ZNF3: variants seen among roughly 807,000 people sequenced by gnomAD.
ZNF3 encodes the protein C2-H2 type zinc finger protein.
In ZNF3, 16 loss-of-function variants were observed where a neutral mutation model predicts 36.9. The observed-to-expected ratio is 0.43, with a 90% CI of 0.29 to 0.66. ZNF3 has a LOEUF of 0.66. ZNF3 is among the 30% of genes least tolerant of loss of function. The probability of loss-of-function intolerance (pLI) is 0.13; values close to 1 mark genes in which losing one functional copy is unlikely to be tolerated. For synonymous variants in ZNF3, 201 were observed against 201.9 expected, an observed-to-expected ratio of 1.00 and a Z score of 0.04; for missense variants, 462 against 543.1, an observed-to-expected ratio of 0.85 and a Z score of 1.48.
intron 5 of ZNF3, among the ~76,000 whole-genome samples, chr7:100,073,383 C>CT (rs947546327): frequency 5.3e-5 from 8 of 152,154 alleles, no homozygotes; most frequent in African/African-American, 1.7e-4. Flanking sequence ...AGGTCTCACT[C>CT]TATCGCCCAG....
intron 5 of ZNF3, among the ~76,000 whole-genome samples, chr7:100,074,283 T>C (rs934244935): frequency 6.6e-6 from 1 of 152,186 alleles, no homozygotes; most frequent in Admixed American, 6.5e-5. Context: ...TATTTACTTA[T>C]TTATTTTTTG....
rs546584665 is a variant in ZNF3 at position 100,075,627 on chromosome 7, A to G, written c.59T>C (p.Leu20Pro). ...QEPQALLDSALPSKVPAFSDK... is the reference protein window; with the variant it reads ...QEPQALLDSAPPSKVPAFSDK... ...GGAAAAGGCAGGAACTTTTGAAGGA[A>G]GAGCTGAAGGGCAATAAAAGGGCCC... The change falls in exon 4 of 6, where the codon CTT becomes CCT. Residue 20 changes from leucine to proline, a missense_variant. Physicochemically the swap from Leu to Pro is moderately conservative, Grantham distance 98. Coordinates refer to ENST00000299667, the MANE Select transcript of ZNF3 (RefSeq NM_032924.5). 1 of 1,614,066 alleles carries G rather than the reference A, an allele frequency of 6.2e-7. No homozygotes were observed. Among genetic ancestry groups the G allele is most frequent in the East Asian group, 2.2e-5 (1 of 44,870 alleles).
rs753246111 is a variant in ZNF3 at position 100,071,924 on chromosome 7, A to C, written c.560T>G (p.Leu187Arg). Residue 187 changes from leucine to arginine, a missense_variant, in exon 6 of 6, where the codon CTT (leucine) becomes CGT (arginine). Physicochemically the swap from Leu to Arg is moderately radical, Grantham distance 102. Coordinates refer to ENST00000299667, the MANE Select transcript of ZNF3 (RefSeq NM_032924.5). ...CACGGGGAGTCTCTGATGTGAGATAAGGTTGGAATTCACAGTGAAGCTGTT... is the reference window on the plus strand; with the variant it reads ...CACGGGGAGTCTCTGATGTGAGATACGGTTGGAATTCACAGTGAAGCTGTT... ...FGNSFTVNSN[L>R]ISHQRLPVGD... The C allele has an allele frequency of 6.2e-7, 1 of 1,614,234 alleles. No individual in the cohort carries two copies. Among genetic ancestry groups the C allele is most frequent in the Non-Finnish European group, 8.5e-7 (1 of 1,180,044 alleles).
In ZNF3 at chr7:100,081,339, G is replaced by C. The variant is rs1794969589; in HGVS notation, c.-198+296C>G. 6.6e-6 allele frequency among the ~76,000 whole-genome samples: 1 copy of C among 152,260 alleles called. No individual in the cohort carries two copies. The highest frequency in any genetic ancestry group is 2.4e-5 in the African/African-American group (1 of 41,460). On this transcript the variant is annotated intron_variant, in intron 1 of 5. Coordinates refer to ENST00000299667, the MANE Select transcript of ZNF3 (RefSeq NM_032924.5). This position sits in a 1 kb window ranked among gnomAD's most constrained non-coding sequence, Gnocchi z 4.3. Reference sequence around the variant, plus strand: ...GCTGTCATTAGCTGCTTTCAAGAGAGAGGCGCCCCTACCGCTCTGCTGAAA... The same window carrying C: ...GCTGTCATTAGCTGCTTTCAAGAGACAGGCGCCCCTACCGCTCTGCTGAAA...
downstream of ZNF3, among the ~76,000 whole-genome samples, chr7:100,066,183 T>G (rs1562853980): frequency 6.6e-6 from 1 of 152,044 alleles, no homozygotes; most frequent in Non-Finnish European, 1.5e-5. Flanking sequence ...CTCTTGGGAT[T>G]TTTTGTTTAT....
rs1794979600 is a variant in ZNF3 at position 100,081,423 on chromosome 7, T to C, written c.-198+212A>G. On this transcript the variant is annotated intron_variant, in intron 1 of 5. Transcript: ENST00000299667. The surrounding 1 kb of genome is among the most constrained non-coding windows in gnomAD (Gnocchi z 4.3). ...TCACAAAACCAGAACCGGAGCCCCA[T>C]TACTAACCCCTACGCAGGATCCCGC... is the stretch of plus-strand genomic sequence containing the variant. Among the ~76,000 whole-genome samples the C allele has an allele frequency of 6.6e-6, 1 of 152,156 alleles. No homozygotes were observed. The highest frequency in any genetic ancestry group is 1.5e-5 in the Non-Finnish European group (1 of 68,010).
chr7:100,079,673 A>G lies in ZNF3; in HGVS notation c.-197-17T>C, dbSNP rs1340138928. On this transcript the variant is annotated splice_polypyrimidine_tract_variant and intron_variant, in intron 1 of 5. Coordinates refer to ENST00000299667, the MANE Select transcript of ZNF3 (RefSeq NM_032924.5). ...ATGCCAATGCTGTGTGATTAAGGGGAAAAAAAGGAATTTAAAATATTCATG... is the reference window on the plus strand; with the variant it reads ...ATGCCAATGCTGTGTGATTAAGGGGGAAAAAAGGAATTTAAAATATTCATG... 6.6e-6 allele frequency: 1 copy of G among 152,098 alleles called. No individual in the cohort carries two copies. The highest frequency in any genetic ancestry group is 1.9e-4 in the East Asian group (1 of 5,196). The allele number at this position is 152,098 out of a possible 1,614,324, so 9.4% of individuals were successfully genotyped here.
At position 100,075,146 on chromosome 7, in the gene ZNF3, A is replaced by G; in HGVS notation, c.260T>C (p.Val87Ala). ...GCATAACTCCTTACCCAGTGAGAAC[A>G]CATTCCCGTAATTCTCCAGCATCAC... The part of the protein sequence containing the change: ...RDVMLENYGN[V>A]FSLDRETRTE... Residue 87 changes from valine to alanine, a missense_variant, in exon 5 of 6, where the codon GTG (valine) becomes GCG (alanine). Physicochemically the swap from Val to Ala is moderately conservative, Grantham distance 64 (BLOSUM62 0). Coordinates refer to ENST00000299667, the MANE Select transcript of ZNF3 (RefSeq NM_032924.5). 4.3e-6 allele frequency: 7 copies of G among 1,609,618 alleles called. No individual in the cohort carries two copies. The highest frequency in any genetic ancestry group is 5.9e-6 in the Non-Finnish European group (7 of 1,176,676).
intron 3 of ZNF3, 107 bp from the exon 4 acceptor site, chr7:100,075,737 G>A (rs1278422618): frequency 1.2e-5 from 11 of 949,892 alleles, no homozygotes; most frequent in Admixed American, 7.0e-5. Context: ...GGACAACACA[G>A]GACCCTCTCT....
intron 3 of ZNF3, 177 bp downstream of exon 3, chr7:100,077,126 G>A (rs1379363725): frequency 3.0e-6 from 2 of 666,386 alleles, no homozygotes; most frequent in East Asian, 5.5e-5. Flanking sequence ...CTATCAAGCT[G>A]TCATTGATTA....
chr7:100,070,380 A>T lies in ZNF3; in HGVS notation c.*763T>A, dbSNP rs760064709. 56 of 985,466 alleles carry T rather than the reference A, an allele frequency of 5.7e-5. No homozygotes were observed. In the African/African-American group the frequency reaches 8.4e-4, roughly 15 times the overall value. The allele number at this position is 985,466 out of a possible 1,614,324, so 61.0% of individuals were successfully genotyped here. A position where few individuals can be genotyped will look rare whatever the true frequency, so the allele number is the denominator to read the frequency against. Reference sequence around the variant, plus strand: ...ATCATTGGAGTGGGAAGAGGACAAGAGAGGACAGCAATCAGAGGCCAACGC... The same window carrying T: ...ATCATTGGAGTGGGAAGAGGACAAGTGAGGACAGCAATCAGAGGCCAACGC... On this transcript the variant is annotated 3_prime_UTR_variant, in exon 6 of 6. Transcript: ENST00000299667.
chr7:100,064,216 T>A (rs1249033322), exon 6 of ZNF3: 25 of 1,613,762 alleles, frequency 1.5e-5, no homozygotes, highest in Non-Finnish European at 2.1e-5. Context: ...TGGAAAAGCT[T>A]TTGGGCAGAG....
At chr7:100,078,519 AAAG>A (rs1467539324) in intron 2 of ZNF3, among the ~76,000 whole-genome samples, 1 of 150,720 alleles carries the variant, frequency 6.6e-6, no homozygotes, top group Non-Finnish European at 1.5e-5. Flanking sequence ...AAGAAAAAGA[AAAG>A]AAAAAATACA....
chr7:100,072,176 G>C lies in ZNF3; in HGVS notation c.308C>G (p.Ser103Cys), dbSNP rs1793286963. ...GACCCCATGTGATCTTGTGTCTTCA[G>C]AAATTTCTTGATCATTTTCAGTCCT... is the stretch of plus-strand genomic sequence containing the variant. ...ETRTENDQEI[S>C]EDTRSHGVLL... The change falls in exon 6 of 6, where the codon TCT (serine) becomes TGT (cysteine). Residue 103 changes from serine to cysteine, a missense_variant. By Grantham distance (112) the Ser-to-Cys change is moderately radical. Coordinates refer to ENST00000299667, the MANE Select transcript of ZNF3 (RefSeq NM_032924.5). The C allele has an allele frequency of 6.3e-7, 1 of 1,596,718 alleles. No homozygotes were observed. The highest frequency in any genetic ancestry group is 2.2e-5 in the East Asian group (1 of 44,836).
chr7:100,075,666 T>C, intron 3 of ZNF3, 36 bp from the exon 4 acceptor site: 8 of 1,606,450 alleles, frequency 5.0e-6, no homozygotes, highest in Non-Finnish European at 6.8e-6. Context: ...AATGAGTCCA[T>C]CTGCTCTGTG....
downstream of ZNF3, chr7:100,065,146 G>C: frequency 1.7e-6 from 1 of 577,842 alleles, no homozygotes; most frequent in Non-Finnish European, 2.8e-6. Flanking sequence ...TGGATTTGGG[G>C]GTCAGGCACG....
downstream of ZNF3, among the ~76,000 whole-genome samples, chr7:100,068,719 ATCACAGGGGC>A (rs1217682244): frequency 6.6e-6 from 1 of 151,906 alleles, no homozygotes; most frequent in Non-Finnish European, 1.5e-5. Context: ...TGGTGGTGCA[ATCACAGGGGC>A]TCACTGCAGG....
Position 100,075,543 on chromosome 7 carries a change from T to C in ZNF3, c.143A>G (p.Gln48Arg), listed in dbSNP as rs191950420. The C allele has an allele frequency of 6.2e-7, 1 of 1,614,092 alleles. No homozygotes were observed. The highest frequency in any genetic ancestry group is 2.2e-5 in the East Asian group (1 of 44,878). The change falls in exon 4 of 6, where the codon CAG becomes CGG. Residue 48 changes from glutamine to arginine, a missense_variant and splice_region_variant. Physicochemically the swap from Gln to Arg is conservative, Grantham distance 43 (BLOSUM62 1). Transcript: ENST00000299667. ...AGGATAAACGGAACCACAGCTCACC[T>C]GGGACTTGGCCTTTAGGAGCGCAGC... ...LAAALLKAKS[Q>R]ELVTFEDVAV...
chr7:100,080,812 A>T (rs886241684), intron 1 of ZNF3, among the ~76,000 whole-genome samples: 14 of 152,152 alleles, frequency 9.2e-5, no homozygotes, highest in South Asian at 4.1e-4. Flanking sequence ...ATAAAAATTA[A>T]TTTTTTTAAA....
Sources: allele counts gnomAD v4.1 joint callset (sites outside exome capture counted in the v4.1 genomes callset), GRCh38; gene constraint gnomAD v4.1.1; non-coding constraint Gnocchi (gnomAD v3.1); transcripts MANE v1.5; gene names NCBI Gene and HGNC (gene_info 2026-07-23, HGNC 2026-07-21).